VWA8: variants seen among roughly 807,000 people sequenced by gnomAD.
VWA8 encodes the protein von Willebrand factor A domain-containing protein 8.
In VWA8, 221 loss-of-function variants were observed where a neutral mutation model predicts 241.5. The ratio of observed to expected loss-of-function variants is 0.91; its 90% CI spans 0.82 to 1.02. VWA8 has a LOEUF of 1.02. VWA8 is among the 50% of genes least tolerant of loss of function. The pLI, the probability that VWA8 is intolerant of heterozygous loss-of-function variation, is 0.00. For synonymous variants in VWA8, 852 were observed against 827.1 expected (o/e 1.03, Z -0.52); for missense variants, 2,322 against 2,328.7 (o/e 1.00, Z 0.06).
At chr13:41,710,267 T>C (rs2045308092) in intron 26 of VWA8, among the ~76,000 whole-genome samples, 1 of 152,194 alleles carries the variant, frequency 6.6e-6, no homozygotes, top group South Asian at 2.1e-4. Context: ...AAACGATAGC[T>C]ACAGGTGGGG....
At chr13:41,572,155 C>T (rs368598036) in intron 43 of VWA8, among the ~76,000 whole-genome samples, 31 of 151,912 alleles carry the variant, frequency 2.0e-4, no homozygotes, top group Non-Finnish European at 2.5e-4. Flanking sequence ...GCCTGGCAGC[C>T]GCCCCGTCCG....
chr13:41,643,744 T>A (rs1268493708), intron 37 of VWA8, among the ~76,000 whole-genome samples: 2 of 151,954 alleles, frequency 1.3e-5, no homozygotes, highest in Non-Finnish European at 2.9e-5. Flanking sequence ...CACACAATGC[T>A]CACATCACCA....
intron 7 of VWA8, 51 bp downstream of exon 7, chr13:41,886,730 G>C (rs781236581): frequency 7.0e-7 from 1 of 1,438,838 alleles, no homozygotes; most frequent in Non-Finnish European, 9.5e-7. Context: ...CAATGAACAG[G>C]CAAAACAAAT....
chr13:41,762,622 T>C (rs1042828660), intron 20 of VWA8, among the ~76,000 whole-genome samples: 1 of 152,124 alleles, frequency 6.6e-6, no homozygotes, highest in African/African-American at 2.4e-5. Flanking sequence ...GGGCAATGCA[T>C]GGTATACAGC....
At chr13:41,652,952 C>T (rs1032228110) in intron 37 of VWA8, among the ~76,000 whole-genome samples, 1 of 152,034 alleles carries the variant, frequency 6.6e-6, no homozygotes, top group Admixed American at 6.5e-5. Flanking sequence ...CTAAGCTCAC[C>T]GACACCCTCC....
chr13:41,874,029 T>C (rs1434858809), intron 9 of VWA8, among the ~76,000 whole-genome samples: 4 of 152,128 alleles, frequency 2.6e-5, no homozygotes, highest in Middle Eastern at 3.4e-3. Flanking sequence ...GCTGGTTCAA[T>C]ATATGCAAAT....
intron 40 of VWA8, among the ~76,000 whole-genome samples, chr13:41,604,294 T>G (rs1435530083): frequency 6.6e-6 from 1 of 152,176 alleles, no homozygotes; most frequent in East Asian, 1.9e-4. Context: ...TGCTGTTTTA[T>G]CCTAAATAAC....
At chr13:41,573,177 G>A (rs2044321773) in intron 43 of VWA8, among the ~76,000 whole-genome samples, 1 of 150,770 alleles carries the variant, frequency 6.6e-6, no homozygotes, top group Non-Finnish European at 1.5e-5. Flanking sequence ...GCACTTTGAG[G>A]TGGGCAGATC....
At chr13:41,831,009 T>A (rs1825311873) in intron 13 of VWA8, among the ~76,000 whole-genome samples, 1 of 152,180 alleles carries the variant, frequency 6.6e-6, no homozygotes, top group Non-Finnish European at 1.5e-5. Flanking sequence ...CGGTCTAAAG[T>A]AACTCTGTAA....
At chr13:41,950,991 A>G (rs1268360737) in intron 1 of VWA8, among the ~76,000 whole-genome samples, 1 of 152,124 alleles carries the variant, frequency 6.6e-6, no homozygotes, top group Non-Finnish European at 1.5e-5. Context: ...CCTTTAACAC[A>G]GATCCTCAAC....
chr13:41,882,694 C>T (rs1299075751), intron 9 of VWA8, among the ~76,000 whole-genome samples: 2 of 152,196 alleles, frequency 1.3e-5, no homozygotes, highest in African/African-American at 4.8e-5. Context: ...ATCGCAGGCA[C>T]TCGGCAGGCT....
intron 39 of VWA8, among the ~76,000 whole-genome samples, chr13:41,611,318 T>C (rs1392465654): frequency 2.0e-5 from 3 of 152,206 alleles, no homozygotes; most frequent in Non-Finnish European, 4.4e-5. Flanking sequence ...CTGAATTCCC[T>C]ATGTTGCCTA....
intron 12 of VWA8, among the ~76,000 whole-genome samples, chr13:41,845,231 C>G (rs1185985581): frequency 1.3e-5 from 2 of 152,010 alleles, no homozygotes; most frequent in African/African-American, 4.8e-5. Flanking sequence ...AAATGCCAAT[C>G]AAAACAATGA....
rs78987239 is a variant in VWA8 at position 41,931,153 on chromosome 13, G to GAA, written c.241+18781_241+18782dup. 2.6e-3 allele frequency among the ~76,000 whole-genome samples: 204 copies of GAA among 78,738 alleles called. 1 individual carries two copies. Among genetic ancestry groups the GAA allele is most frequent in the African/African-American group, 8.9e-3 (188 of 21,240 alleles). The allele number at this position is 78,738 out of a possible 152,430, so 51.7% of individuals were successfully genotyped here. A position where few individuals can be genotyped will look rare whatever the true frequency, so the allele number is the denominator to read the frequency against. ...AACAGAGTGAGACTCCGTCTCAGGG[G>GAA]AAAAAAAAAAAAAAAAAAAGAATAT... On this transcript the variant is annotated intron_variant, in intron 2 of 44. Coordinates refer to ENST00000379310, the MANE Select transcript of VWA8 (RefSeq NM_015058.2).
chr13:41,763,184 G>T (rs1175746455), intron 20 of VWA8, among the ~76,000 whole-genome samples: 1 of 152,058 alleles, frequency 6.6e-6, no homozygotes, highest in Non-Finnish European at 1.5e-5. Context: ...AGCTACTTGG[G>T]AGGCTGAGGT....
chr13:41,698,257 G>C (rs2045227614), intron 29 of VWA8, among the ~76,000 whole-genome samples: 1 of 151,834 alleles, frequency 6.6e-6, no homozygotes, highest in Non-Finnish European at 1.5e-5. Flanking sequence ...ATATATATTT[G>C]TTGAATGAAT....
Position 41,570,642 on chromosome 13 carries a change from G to T in VWA8, c.5435C>A (p.Ala1812Asp), listed in dbSNP as rs1325350192. The change falls in exon 44 of 45, where the codon GCC (alanine) becomes GAC (aspartate). Residue 1812 changes from alanine to aspartate, a missense_variant. Physicochemically the swap from Ala to Asp is moderately radical, Grantham distance 126. Transcript: ENST00000379310. Reference protein sequence around the residue: ...GDHTLEGTEHAIKEIVKEEAD... With the variant: ...GDHTLEGTEHDIKEIVKEEAD... ...TTCTTCTTTGACAATTTCCTTGATG[G>T]CATGTTCTGTCCCTTCTAACGTGTG... 3 of 1,614,222 alleles carry T rather than the reference G, an allele frequency of 1.9e-6. No individual in the cohort carries two copies. The highest frequency in any genetic ancestry group is 2.5e-6 in the Non-Finnish European group (3 of 1,180,048).
chr13:41,573,484 A>ATATATATATAT (rs796873882), intron 43 of VWA8, among the ~76,000 whole-genome samples: 1 of 117,024 alleles, frequency 8.5e-6, no homozygotes, highest in African/African-American at 3.7e-5. Context: ...TAAAAAAAAA[A>ATATATATATAT]AAATATATAT....
chr13:41,888,018 G>A (rs771710730), intron 5 of VWA8, among the ~76,000 whole-genome samples: 2 of 152,174 alleles, frequency 1.3e-5, no homozygotes, highest in Non-Finnish European at 2.9e-5. Context: ...CACAAATCCT[G>A]GCTCAACTGC....
Sources: allele counts gnomAD v4.1 joint callset (sites outside exome capture counted in the v4.1 genomes callset), GRCh38; gene constraint gnomAD v4.1.1; transcripts MANE v1.5; gene names NCBI Gene and HGNC (gene_info 2026-07-23, HGNC 2026-07-21).